The following KLHL2 variants were observed in gnomAD, a reference collection of about 807,000 sequenced individuals.
KLHL2 encodes kelch like family member 2.
In KLHL2, 15 loss-of-function variants were observed where a neutral mutation model predicts 75.8. The observed-to-expected ratio is 0.20, with a 90% CI of 0.13 to 0.30. The LOEUF is 0.30. KLHL2 is among the 10% of genes least tolerant of loss of function. The pLI is 1.00. For missense variants in KLHL2, 381 were observed against 741.0 expected (o/e 0.51, Z 5.64); for synonymous variants, 214 against 251.9 (o/e 0.85, Z 1.42).
Position 165,299,672 on chromosome 4 carries a change from C to T in KLHL2, c.921+16C>T. 6.3e-7 allele frequency: 1 copy of T among 1,585,342 alleles called. No individual in the cohort carries two copies. Among genetic ancestry groups the T allele is most frequent in the Non-Finnish European group, 8.6e-7 (1 of 1,166,924 alleles). Reference sequence around the variant, plus strand: ...CCTTCCCAAAGTAGGATCTGTTTCTCATGCTTGTTATTACCTCATGCAAAA... The same window carrying T: ...CCTTCCCAAAGTAGGATCTGTTTCTTATGCTTGTTATTACCTCATGCAAAA... On this transcript the variant is annotated intron_variant, in intron 8 of 14. Coordinates refer to ENST00000226725, the MANE Select transcript of KLHL2 (RefSeq NM_007246.4).
intron 2 of KLHL2, among the ~76,000 whole-genome samples, chr4:165,220,897 G>A (rs1003491402): frequency 2.0e-5 from 3 of 152,076 alleles, no homozygotes; most frequent in Admixed American, 1.3e-4. Context: ...AATTAAAAGG[G>A]TAATATATGT....
At chr4:165,291,427 TCTC>T (rs201833712) in intron 5 of KLHL2, among the ~76,000 whole-genome samples, 1,602 of 152,320 alleles carry the variant, frequency 0.011, 7 homozygotes, top group Non-Finnish European at 0.015. Context: ...AGTTAAATTT[TCTC>T]CTATGTTATC....
rs1175860496 is a variant in KLHL2 at position 165,294,517 on chromosome 4, T to A, written c.654+49T>A. 2.0e-6 allele frequency: 2 copies of A among 1,019,074 alleles called. 1 individual carries two copies. The highest frequency in any genetic ancestry group is 3.0e-5 in the South Asian group (2 of 67,774). The allele number at this position is 1,019,074 out of a possible 1,614,324, so 63.1% of individuals were successfully genotyped here. A position where few individuals can be genotyped will look rare whatever the true frequency, so the allele number is the denominator to read the frequency against. On this transcript the variant is annotated intron_variant, in intron 6 of 14. Transcript: ENST00000226725. ...GTGTGCAATGATGTTTCCCTTTTTT[T>A]TTTTTTAATTTCACTTTTTTTTATA...
At position 165,305,600 on chromosome 4, in the gene KLHL2, C is replaced by T; in HGVS notation, c.922-8C>T. Reference sequence around the variant, plus strand: ...TTTGTTCAAGTGCTTACATTTCTGCCCTTGTAGTTGATGGTGGTGGTTGGG... The same window carrying T: ...TTTGTTCAAGTGCTTACATTTCTGCTCTTGTAGTTGATGGTGGTGGTTGGG... On this transcript the variant is annotated splice_polypyrimidine_tract_variant and splice_region_variant and intron_variant, in intron 8 of 14. Transcript: ENST00000226725. 2 of 1,600,840 alleles carry T rather than the reference C, an allele frequency of 1.2e-6. No homozygotes were observed. Among genetic ancestry groups the T allele is most frequent in the Non-Finnish European group, 1.7e-6 (2 of 1,168,146 alleles).
intron 5 of KLHL2, among the ~76,000 whole-genome samples, chr4:165,264,702 G>GTATATATATATATATACATATATATA: frequency 1.0e-5 from 1 of 100,198 alleles, no homozygotes; most frequent in East Asian, 3.4e-4. Flanking sequence ...GTGTGTGTGT[G>GTATATATATATATATACATATATATA]TGTATATATA....
At chr4:165,298,086 C>G (rs1745057881) in intron 7 of KLHL2, among the ~76,000 whole-genome samples, 1 of 152,204 alleles carries the variant, frequency 6.6e-6, no homozygotes, top group Admixed American at 6.5e-5. Flanking sequence ...GCCTCCCAAA[C>G]TACTGGGATT....
At chr4:165,224,286 A>G (rs1738253143) in intron 2 of KLHL2, among the ~76,000 whole-genome samples, 1 of 152,204 alleles carries the variant, frequency 6.6e-6, no homozygotes, top group East Asian at 1.9e-4. Context: ...TTGAGCTTTA[A>G]CAATTTCAAT....
intron 4 of KLHL2, among the ~76,000 whole-genome samples, chr4:165,242,821 AAAATAT>A (rs1165219852): frequency 1.3e-5 from 2 of 152,194 alleles, no homozygotes; most frequent in Non-Finnish European, 2.9e-5. Flanking sequence ...TTAGATATAA[AAAATAT>A]AAATATATAA....
chr4:165,317,848 G>T lies in KLHL2; in HGVS notation c.1632G>T (p.Leu544=). Residue 544 remains leucine (L), a synonymous_variant, in exon 14 of 15, where the codon CTG becomes CTT. Transcript: ENST00000226725. ...AAGGAGTTTGTGCAGTTAATGGTCTGTTATATGTTGTTGGAGGGGATGATG... is the reference window on the plus strand; with the variant it reads ...AAGGAGTTTGTGCAGTTAATGGTCTTTTATATGTTGTTGGAGGGGATGATG... ...RNAGVCAVNG[L]LYVVGGDDGS... 6.2e-7 allele frequency: 1 copy of T among 1,613,476 alleles called. No individual in the cohort carries two copies. The highest frequency in any genetic ancestry group is 8.5e-7 in the Non-Finnish European group (1 of 1,179,632).
At chr4:165,292,081 G>A (rs72995995) in intron 5 of KLHL2, among the ~76,000 whole-genome samples, 10,072 of 151,778 alleles carry the variant, frequency 0.066, 436 homozygotes, top group Middle Eastern at 0.14. Flanking sequence ...TATTTTTTTC[G>A]CAATATTTTT....
intron 7 of KLHL2, among the ~76,000 whole-genome samples, chr4:165,299,160 T>C (rs1400629482): frequency 6.6e-6 from 1 of 152,154 alleles, no homozygotes; most frequent in Admixed American, 6.5e-5. Context: ...CTAAACTTTG[T>C]TTCTTGTTTT....
intron 1 of KLHL2, among the ~76,000 whole-genome samples, chr4:165,216,363 A>G (rs1176624660): frequency 6.6e-6 from 1 of 152,210 alleles, no homozygotes; most frequent in Non-Finnish European, 1.5e-5. Context: ...CAACTATTTT[A>G]GAGTATGTGT....
At chr4:165,286,858 T>A (rs1265393614) in intron 5 of KLHL2, among the ~76,000 whole-genome samples, 1 of 152,164 alleles carries the variant, frequency 6.6e-6, no homozygotes, top group Non-Finnish European at 1.5e-5. Flanking sequence ...GTGACATGCA[T>A]TGACTGTCTA....
intron 5 of KLHL2, among the ~76,000 whole-genome samples, chr4:165,266,342 A>G (rs1742241382): frequency 1.3e-5 from 2 of 152,088 alleles, no homozygotes. Context: ...CCATTTGTCA[A>G]TTTTGGCTTT....
At chr4:165,278,045 A>C (rs1195374833) in intron 5 of KLHL2, 2 of 1,526,694 alleles carry the variant, frequency 1.3e-6, no homozygotes, top group Non-Finnish European at 1.8e-6. Context: ...CACTATAAAA[A>C]AGCCCAAGGG....
chr4:165,283,621 G>T (rs527429096), intron 5 of KLHL2, among the ~76,000 whole-genome samples: 1 of 152,318 alleles, frequency 6.6e-6, no homozygotes, highest in East Asian at 1.9e-4. Context: ...GGCTGGTGTT[G>T]AGTGTCTATG....
intron 2 of KLHL2, among the ~76,000 whole-genome samples, chr4:165,225,801 C>T (rs1050472656): frequency 6.6e-6 from 1 of 152,118 alleles, no homozygotes; most frequent in African/African-American, 2.4e-5. Context: ...TTACTGAAGA[C>T]AAATAAAAAA....
At chr4:165,209,243 G>T (rs1007568951) in intron 1 of KLHL2, among the ~76,000 whole-genome samples, 1 of 152,156 alleles carries the variant, frequency 6.6e-6, no homozygotes, top group African/African-American at 2.4e-5. Context: ...ATGGTGGATG[G>T]TTCACATCAG....
Position 165,311,534 on chromosome 4 carries a change from G to A in KLHL2, c.1308G>A (p.Arg436=). 6.2e-7 allele frequency: 1 copy of A among 1,613,948 alleles called. No homozygotes were observed. Among genetic ancestry groups the A allele is most frequent in the East Asian group, 2.2e-5 (1 of 44,862 alleles). The change falls in exon 11 of 15, where the codon AGG becomes AGA. Residue 436 remains arginine (R), a synonymous_variant. Coordinates refer to ENST00000226725, the MANE Select transcript of KLHL2 (RefSeq NM_007246.4). The part of the protein sequence containing the change: ...EWFHVAPMNT[R]RSSVGVGVVG... The stretch of plus-strand genomic sequence containing the variant: ...TTCATGTAGCTCCCATGAATACAAG[G>A]AGGAGCAGTGTTGGTGTGGGTGTTG...
Sources: allele counts gnomAD v4.1 joint callset (sites outside exome capture counted in the v4.1 genomes callset), GRCh38; gene constraint gnomAD v4.1.1; transcripts MANE v1.5; gene names NCBI Gene and HGNC (gene_info 2026-07-23, HGNC 2026-07-21).